Variants in PUS7 observed in about 807,000 individuals in gnomAD.
PUS7 encodes the protein pseudouridylate synthase 7 homolog.
Under a neutral mutation model 79.8 loss-of-function variants are expected in PUS7, and 48 were observed. That is an observed-to-expected ratio of 0.60 (90% confidence interval 0.48 to 0.76). PUS7 has a LOEUF of 0.76. Among genes scored for constraint, PUS7 ranks in the 30% least tolerant of loss-of-function variants. The pLI, the probability that PUS7 is intolerant of heterozygous loss-of-function variation, is 0.00. For synonymous variants in PUS7, 286 were observed against 272.2 expected, an observed-to-expected ratio of 1.05 and a Z score of -0.50; for missense variants, 729 against 797.6, an observed-to-expected ratio of 0.91 and a Z score of 1.04.
At chr7:105,460,630 G>T (rs111247077) in intron 14 of PUS7, among the ~76,000 whole-genome samples, 10,312 of 151,590 alleles carry the variant, frequency 0.068, 408 homozygotes, top group South Asian at 0.16. Flanking sequence ...CGAGGCGGGC[G>T]GATCACGAGG....
chr7:105,516,057 C>A (rs543542911), intron 1 of PUS7, among the ~76,000 whole-genome samples: 1 of 152,106 alleles, frequency 6.6e-6, no homozygotes, highest in East Asian at 1.9e-4. Context: ...GATCCGCCCA[C>A]CTCAAACTTG....
intron 7 of PUS7, among the ~76,000 whole-genome samples, chr7:105,482,858 T>C (rs1824382498): frequency 6.6e-6 from 1 of 152,198 alleles, no homozygotes; most frequent in African/African-American, 2.4e-5. Context: ...AGAAAAATTT[T>C]GTAAACTCAT....
intron 14 of PUS7, among the ~76,000 whole-genome samples, chr7:105,460,386 G>A (rs1163898194): frequency 1.3e-5 from 2 of 152,126 alleles, no homozygotes; most frequent in Non-Finnish European, 2.9e-5. Flanking sequence ...TCTGGAGTGG[G>A]GAAGACAAAG....
intron 5 of PUS7, among the ~76,000 whole-genome samples, chr7:105,495,739 T>G (rs1227058678): frequency 6.6e-6 from 1 of 151,994 alleles, no homozygotes; most frequent in Non-Finnish European, 1.5e-5. Context: ...AGCAAGACCC[T>G]GTCTCAAAAA....
At chr7:105,496,874 G>A (rs1418375746) in intron 5 of PUS7, 9 of 959,692 alleles carry the variant, frequency 9.4e-6, no homozygotes, top group Non-Finnish European at 1.2e-5. Context: ...TATCAGTTAA[G>A]CAAAGTTGTC....
At chr7:105,462,972 T>C (rs1051572195) in intron 13 of PUS7, among the ~76,000 whole-genome samples, 3 of 152,192 alleles carry the variant, frequency 2.0e-5, no homozygotes, top group African/African-American at 7.2e-5. Context: ...ATTTTTCAGT[T>C]ATTTTTGCAA....
intron 7 of PUS7, among the ~76,000 whole-genome samples, chr7:105,486,925 T>C (rs1039331672): frequency 2.0e-5 from 3 of 151,952 alleles, no homozygotes; most frequent in Non-Finnish European, 2.9e-5. Flanking sequence ...CAGGGCATGG[T>C]GGTGCACACC....
intron 5 of PUS7, among the ~76,000 whole-genome samples, chr7:105,499,649 T>C (rs961153281): frequency 6.6e-6 from 1 of 152,200 alleles, no homozygotes; most frequent in Admixed American, 6.5e-5. Flanking sequence ...AAATAGTTGG[T>C]AATTTGTGGT....
chr7:105,481,656 C>T (rs1824325554), intron 8 of PUS7, among the ~76,000 whole-genome samples: 1 of 152,124 alleles, frequency 6.6e-6, no homozygotes, highest in Non-Finnish European at 1.5e-5. Flanking sequence ...ACCCTTTCCC[C>T]AGTAACCACT....
In PUS7 at chr7:105,522,159, G is replaced by C. The variant is rs936876638; in HGVS notation, c.-140C>G. On this transcript the variant is annotated 5_prime_UTR_variant, in exon 1 of 16. Coordinates refer to ENST00000469408, the MANE Select transcript of PUS7 (RefSeq NM_019042.5). ...GGCCACTTGGATGAGCCAGCGGCTA[G>C]GGCGGCCAGGCAAAAGCAGCGCTTT... 2 of 152,120 alleles carry C rather than the reference G, an allele frequency of 1.3e-5. No homozygotes were observed. The highest frequency in any genetic ancestry group is 4.8e-5 in the African/African-American group (2 of 41,424). 9.4% of individuals were successfully genotyped at this position (152,120 alleles called of 1,614,324 possible). A position where few individuals can be genotyped will look rare whatever the true frequency, so the allele number is the denominator to read the frequency against.
chr7:105,500,854 A>G (rs150050202), intron 5 of PUS7, among the ~76,000 whole-genome samples: 10 of 152,320 alleles, frequency 6.6e-5, no homozygotes, highest in Non-Finnish European at 1.3e-4. Flanking sequence ...CTCAGGTGAC[A>G]TTTTATACCA....
At chr7:105,496,827 A>G (rs1280968289) in intron 5 of PUS7, 3 of 363,366 alleles carry the variant, frequency 8.3e-6, no homozygotes, top group Non-Finnish European at 8.0e-6. Context: ...AAAACTGTTG[A>G]GCAGGAATAT....
intron 7 of PUS7, among the ~76,000 whole-genome samples, chr7:105,488,375 T>G (rs1824638492): frequency 6.6e-6 from 1 of 152,132 alleles, no homozygotes. Flanking sequence ...GTACCACTTT[T>G]TTGCAGGATA....
Position 105,470,623 on chromosome 7 carries a change from A to T in PUS7, c.1398+65T>A, listed in dbSNP as rs537565458. The T allele has an allele frequency of 1.5e-3, 2,132 of 1,458,496 alleles. 9 individuals carry two copies. Among genetic ancestry groups the T allele is most frequent in the Non-Finnish European group, 1.4e-3 (1,556 of 1,087,726 alleles). The allele number at this position is 1,458,496 out of a possible 1,614,324, so 90.3% of individuals were successfully genotyped here. A position where few individuals can be genotyped will look rare whatever the true frequency, so the allele number is the denominator to read the frequency against. On this transcript the variant is annotated intron_variant, in intron 11 of 15. Transcript: ENST00000469408. ...CTTTCAAAGTTTAGTAAAATCTTTC[A>T]AGATGAAATTTAAAAAGCATTAAAA...
intron 11 of PUS7, among the ~76,000 whole-genome samples, chr7:105,469,613 C>T (rs1000066699): frequency 6.6e-6 from 1 of 152,210 alleles, no homozygotes; most frequent in Admixed American, 6.5e-5. Flanking sequence ...GCGTCTGCCA[C>T]CACGCCTGGC....
In PUS7 at chr7:105,472,005, T is replaced by G. The variant is rs1004383137; in HGVS notation, c.1237+127A>C. 9.5e-6 allele frequency: 6 copies of G among 628,644 alleles called. No homozygotes were observed. The African/African-American group carries it at 1.1e-4, about 12-fold the overall frequency. The allele number at this position is 628,644 out of a possible 1,614,324, so 38.9% of individuals were successfully genotyped here. A position where few individuals can be genotyped will look rare whatever the true frequency, so the allele number is the denominator to read the frequency against. ...AAAAATATAAATAAACTTATACTTT[T>G]ATTGTAAAAACAAATAAAATACTGA... is the stretch of plus-strand genomic sequence containing the variant. On this transcript the variant is annotated intron_variant, in intron 10 of 15. Coordinates refer to ENST00000469408, the MANE Select transcript of PUS7 (RefSeq NM_019042.5).
chr7:105,504,931 T>C (rs1048306783), intron 4 of PUS7, among the ~76,000 whole-genome samples: 2 of 152,028 alleles, frequency 1.3e-5, no homozygotes, highest in African/African-American at 4.8e-5. Flanking sequence ...CTAGGAGTGC[T>C]GGGAGGGGGA....
intron 7 of PUS7, among the ~76,000 whole-genome samples, chr7:105,489,705 A>G (rs1474890308): frequency 2.0e-5 from 3 of 152,242 alleles, no homozygotes; most frequent in African/African-American, 7.2e-5. Flanking sequence ...AACCGGTTCA[A>G]CAACTACATT....
intron 9 of PUS7, among the ~76,000 whole-genome samples, chr7:105,476,123 CAAAAAAAAAAA>C (rs958626613): frequency 1.0e-4 from 4 of 39,184 alleles, no homozygotes; most frequent in African/African-American, 2.5e-4. Flanking sequence ...GACTCCGTCT[CAAAAAAAAAAA>C]AAAAAAAAAA....
Sources: gnomAD v4.1 joint callset for allele counts (sites outside exome capture counted in the v4.1 genomes callset) on GRCh38, gnomAD v4.1.1 for gene constraint, MANE v1.5 for transcripts, NCBI Gene and HGNC (gene_info 2026-07-23, HGNC 2026-07-21) for gene names.